Variants in FNDC3A observed in about 807,000 individuals in gnomAD.
FNDC3A encodes the protein fibronectin type-III domain-containing protein 3A.
A neutral mutation model predicts 148.9 loss-of-function variants in FNDC3A; 32 were observed. The observed-to-expected ratio is 0.21, with a 90% CI of 0.16 to 0.29. FNDC3A has a LOEUF of 0.29. Ranked by LOEUF, FNDC3A falls within the 10% of genes least tolerant of loss-of-function variation. The probability of loss-of-function intolerance (pLI) is 1.00; values close to 1 mark genes in which losing one functional copy is unlikely to be tolerated. For synonymous variants in FNDC3A, 472 were observed against 473.6 expected, an observed-to-expected ratio of 1.00 and a Z score of 0.04; for missense variants, 1,191 against 1,452.8, an observed-to-expected ratio of 0.82 and a Z score of 2.93.
intron 1 of FNDC3A, among the ~76,000 whole-genome samples, chr13:48,982,140 C>A (rs1310696218): frequency 2.0e-5 from 3 of 151,996 alleles, no homozygotes; most frequent in Non-Finnish European, 4.4e-5. Flanking sequence ...TTTGTTGAGC[C>A]ATAACTTGAA....
At chr13:49,168,519 A>G (rs1389693896) in intron 9 of FNDC3A, 94 bp from the exon 10 acceptor site, 2 of 738,998 alleles carry the variant, frequency 2.7e-6, no homozygotes, top group Non-Finnish European at 4.2e-6. Flanking sequence ...CTTTTAGTGG[A>G]CACCTTCCTA....
intron 3 of FNDC3A, among the ~76,000 whole-genome samples, chr13:49,092,934 A>G (rs1231294667): frequency 6.6e-6 from 1 of 152,100 alleles, no homozygotes; most frequent in Non-Finnish European, 1.5e-5. Context: ...ATTGTGTTGT[A>G]TGCATTGATT....
intron 25 of FNDC3A, among the ~76,000 whole-genome samples, chr13:49,203,597 A>G (rs1346528861): frequency 6.6e-6 from 1 of 152,230 alleles, no homozygotes; most frequent in African/African-American, 2.4e-5. Flanking sequence ...TAAGCAAGTA[A>G]ACATGACAAT....
chr13:48,983,261 C>T (rs1452531497), intron 1 of FNDC3A, among the ~76,000 whole-genome samples: 1 of 152,102 alleles, frequency 6.6e-6, no homozygotes, highest in Non-Finnish European at 1.5e-5. Flanking sequence ...TATTTAAATG[C>T]AAAATGTTTC....
intron 1 of FNDC3A, among the ~76,000 whole-genome samples, chr13:48,985,053 T>A (rs1951763277): frequency 6.6e-6 from 1 of 152,148 alleles, no homozygotes; most frequent in South Asian, 2.1e-4. Flanking sequence ...AAAAACTCGT[T>A]GGAGTAGAGA....
intron 16 of FNDC3A, chr13:49,187,673 C>A: frequency 6.3e-7 from 1 of 1,584,368 alleles, no homozygotes; most frequent in Non-Finnish European, 8.7e-7. Context: ...CCCAACGTAG[C>A]GCTGCTGGAA....
At chr13:49,200,490 T>C (rs1182504525) in intron 23 of FNDC3A, among the ~76,000 whole-genome samples, 4 of 152,152 alleles carry the variant, frequency 2.6e-5, no homozygotes, top group Admixed American at 1.3e-4. Flanking sequence ...ATCTTTAATA[T>C]ATGTTATTAT....
chr13:49,122,879 C>A (rs1049765428), intron 4 of FNDC3A, among the ~76,000 whole-genome samples: 1 of 152,174 alleles, frequency 6.6e-6, no homozygotes, highest in Non-Finnish European at 1.5e-5. Context: ...ACATTCCATG[C>A]TCGTGGATAG....
At chr13:49,191,496 AT>A in intron 19 of FNDC3A, 112 bp downstream of exon 19, 1 of 771,314 alleles carries the variant, frequency 1.3e-6, no homozygotes, top group Non-Finnish European at 2.0e-6. Flanking sequence ...ATGACTCCAA[AT>A]TTTACAATTT....
intron 2 of FNDC3A, among the ~76,000 whole-genome samples, chr13:49,053,102 C>G (rs1875967644): frequency 6.6e-6 from 1 of 152,220 alleles, no homozygotes; most frequent in Non-Finnish European, 1.5e-5. Context: ...GAGTCTATTT[C>G]TAGGCAGCTA....
chr13:49,016,529 T>G (rs1872794351), intron 2 of FNDC3A, among the ~76,000 whole-genome samples: 1 of 152,250 alleles, frequency 6.6e-6, no homozygotes, highest in Non-Finnish European at 1.5e-5. Flanking sequence ...TCTATCAATC[T>G]TGTTGATCCT....
intron 14 of FNDC3A, among the ~76,000 whole-genome samples, chr13:49,179,679 T>A (rs1026047304): frequency 1.8e-4 from 28 of 152,232 alleles, no homozygotes; most frequent in Non-Finnish European, 3.1e-4. Context: ...ATGGCTTATA[T>A]TTTGTTACTT....
At chr13:49,123,087 A>C (rs1285385358) in intron 4 of FNDC3A, among the ~76,000 whole-genome samples, 1 of 152,222 alleles carries the variant, frequency 6.6e-6, no homozygotes, top group Non-Finnish European at 1.5e-5. Context: ...ATGCTGCCTG[A>C]CTTCAAACTA....
chr13:49,196,348 G>A (rs756740880), intron 19 of FNDC3A, among the ~76,000 whole-genome samples: 2 of 152,104 alleles, frequency 1.3e-5, no homozygotes, highest in South Asian at 4.1e-4. Context: ...TATATTCCGG[G>A]TAATGTATGT....
rs2137779763 is a variant in FNDC3A at position 49,075,207 on chromosome 13, C to T, written c.100-82C>T. 3.9e-6 allele frequency: 3 copies of T among 773,454 alleles called. No homozygotes were observed. The South Asian group carries it at 5.1e-5, about 13-fold the overall frequency. 47.9% of individuals were successfully genotyped at this position (773,454 alleles called of 1,614,324 possible). ...TTCCCAGTTTCATAAGGTTAAATAGCTTATATCTGCTCTGTTACTATTTTT... is the reference window on the plus strand; with the variant it reads ...TTCCCAGTTTCATAAGGTTAAATAGTTTATATCTGCTCTGTTACTATTTTT... On this transcript the variant is annotated intron_variant, in intron 2 of 25. Transcript: ENST00000492622.
intron 3 of FNDC3A, among the ~76,000 whole-genome samples, chr13:49,102,386 T>C (rs1879917703): frequency 6.6e-6 from 1 of 152,164 alleles, no homozygotes; most frequent in Admixed American, 6.5e-5. Flanking sequence ...GAGATAAATA[T>C]AGGTACATTT....
At chr13:49,189,234 C>T (rs1157761167) in intron 17 of FNDC3A, among the ~76,000 whole-genome samples, 1 of 151,562 alleles carries the variant, frequency 6.6e-6, no homozygotes, top group East Asian at 1.9e-4. Flanking sequence ...GATTGGGGCT[C>T]ACTGCAACCT....
At chr13:49,019,902 T>C (rs1186768646) in intron 2 of FNDC3A, among the ~76,000 whole-genome samples, 1 of 152,236 alleles carries the variant, frequency 6.6e-6, no homozygotes, top group African/African-American at 2.4e-5. Context: ...TAAAATTGTT[T>C]CTTCCTCATT....
chr13:49,187,478 C>G, intron 16 of FNDC3A: 1 of 1,488,470 alleles, frequency 6.7e-7, no homozygotes, highest in East Asian at 2.3e-5. Flanking sequence ...CTGAAACATC[C>G]TTATGTTTTA....
Sources: gnomAD v4.1 joint callset for allele counts (sites outside exome capture counted in the v4.1 genomes callset) on GRCh38, gnomAD v4.1.1 for gene constraint, MANE v1.5 for transcripts, NCBI Gene and HGNC (gene_info 2026-07-23, HGNC 2026-07-21) for gene names.